PARVB: variants seen among roughly 807,000 people sequenced by gnomAD.
PARVB encodes the protein beta-parvin.
A neutral mutation model predicts 47.0 loss-of-function variants in PARVB; 46 were observed. The observed-to-expected ratio is 0.98, with a 90% CI of 0.77 to 1.25. The LOEUF (loss-of-function observed/expected upper bound fraction) is 1.25. Ranked by LOEUF, PARVB falls within the 50% of genes most tolerant of loss-of-function variation. The pLI is 0.00. For missense variants in PARVB, 473 were observed against 471.6 expected (o/e 1.00, Z -0.03); for synonymous variants, 196 against 196.3 (o/e 1.00, Z 0.01).
At chr22:44,039,918 G>A in intron 1 of PARVB, 1 of 452,286 alleles carries the variant, frequency 2.2e-6, no homozygotes, top group South Asian at 1.6e-5. Context: ...GGCCTCCAGT[G>A]ATCCTTCTGC....
intron 8 of PARVB, 176 bp from the exon 9 acceptor site, chr22:44,147,685 G>A (rs768437060): frequency 3.4e-5 from 26 of 757,820 alleles, no homozygotes; most frequent in Admixed American, 1.5e-4. Flanking sequence ...TGGTTTGGCC[G>A]GGACTGATCA....
chr22:44,143,964 A>C (rs2053610667), intron 8 of PARVB: 1 of 152,506 alleles, frequency 6.6e-6, no homozygotes, highest in African/African-American at 2.4e-5. Flanking sequence ...CTTGTTCCAA[A>C]ACCTCTGGCT....
At chr22:44,026,863 C>G (rs894366133) in intron 1 of PARVB, among the ~76,000 whole-genome samples, 8 of 151,856 alleles carry the variant, frequency 5.3e-5, no homozygotes, top group Non-Finnish European at 1.2e-4. Context: ...GCGGGCTCAT[C>G]GGTGAGGTTC....
At chr22:44,051,584 C>T (rs958280405) in intron 1 of PARVB, among the ~76,000 whole-genome samples, 1 of 152,100 alleles carries the variant, frequency 6.6e-6, no homozygotes, top group Non-Finnish European at 1.5e-5. Context: ...CTGTTGTCGG[C>T]GCTGTGTGTA....
chr22:44,052,499 C>T (rs1290789482), intron 1 of PARVB, among the ~76,000 whole-genome samples: 1 of 152,318 alleles, frequency 6.6e-6, no homozygotes, highest in South Asian at 2.1e-4. Flanking sequence ...TGAGCAACTG[C>T]GATCTCTTTC....
intron 3 of PARVB, chr22:44,106,138 G>GGTTT (rs1287678015): frequency 1.3e-4 from 9 of 69,318 alleles, no homozygotes; most frequent in African/African-American, 5.4e-4. Context: ...AGCCAGATGT[G>GGTTT]TTTTTTTTTT....
At chr22:44,019,824 G>T (rs1393804670), upstream of PARVB, among the ~76,000 whole-genome samples, 1 of 152,236 alleles carries the variant, frequency 6.6e-6, no homozygotes, top group Non-Finnish European at 1.5e-5. Flanking sequence ...CCCAACACGG[G>T]ATTGAATTTC....
Position 44,125,824 on chromosome 22 carries a change from A to C in PARVB, c.377-5663A>C, listed in dbSNP as rs2147144368. Reference sequence around the variant, plus strand: ...TGGGTGCAGGATGGATGGGGAGGAGAGTCAGGAGTTGGAACTGAGAGATCA... The same window carrying C: ...TGGGTGCAGGATGGATGGGGAGGAGCGTCAGGAGTTGGAACTGAGAGATCA... On this transcript the variant is annotated intron_variant, in intron 4 of 12. Coordinates refer to ENST00000338758, the MANE Select transcript of PARVB (RefSeq NM_013327.5). The surrounding 1 kb of genome is among the most constrained non-coding windows in gnomAD (Gnocchi z 4.1). Among the ~76,000 whole-genome samples, 1 of 152,072 alleles carries C rather than the reference A, an allele frequency of 6.6e-6. No homozygotes were observed. Among genetic ancestry groups the C allele is most frequent in the South Asian group, 2.1e-4 (1 of 4,814 alleles).
chr22:44,105,214 C>T (rs1410321797), intron 3 of PARVB: 1 of 152,344 alleles, frequency 6.6e-6, no homozygotes, highest in East Asian at 1.9e-4. Flanking sequence ...AGAGTGCAAC[C>T]CAAAGCCCCC....
At chr22:44,074,361 C>G (rs1398301361) in intron 1 of PARVB, among the ~76,000 whole-genome samples, 1 of 152,244 alleles carries the variant, frequency 6.6e-6, no homozygotes, top group Non-Finnish European at 1.5e-5. Flanking sequence ...AGTGGCGCCT[C>G]CTGGCAGCAG....
At chr22:44,161,589 G>A (rs2054054310) in intron 11 of PARVB, among the ~76,000 whole-genome samples, 1 of 152,194 alleles carries the variant, frequency 6.6e-6, no homozygotes, top group Admixed American at 6.5e-5. Context: ...TGGGATTACA[G>A]GCGTGAGCCA....
intron 1 of PARVB, among the ~76,000 whole-genome samples, chr22:44,079,151 A>G (rs2051843390): frequency 6.6e-6 from 1 of 152,216 alleles, no homozygotes. Flanking sequence ...CTTCTTTGCC[A>G]GCCTGCTGGT....
chr22:44,092,896 G>T (rs2052206489), intron 1 of PARVB, among the ~76,000 whole-genome samples: 1 of 152,210 alleles, frequency 6.6e-6, no homozygotes, highest in Non-Finnish European at 1.5e-5. Flanking sequence ...GGTGATTCTG[G>T]TGTTAAAAGA....
At chr22:44,139,856 T>G (rs1212879811) in intron 7 of PARVB, 1 of 501,564 alleles carries the variant, frequency 2.0e-6, no homozygotes, top group African/African-American at 1.9e-5. Context: ...CAAACAACAT[T>G]ACCAGGGTGG....
At position 44,092,394 on chromosome 22, in the gene PARVB, C is replaced by T. The variant is rs546527481; in HGVS notation, c.113-1534C>T. 2.0e-5 allele frequency among the ~76,000 whole-genome samples: 3 copies of T among 152,314 alleles called. No individual in the cohort carries two copies. In the South Asian group the frequency reaches 6.2e-4, roughly 32 times the overall value. ...AAAGTGCTGGGATTACAGGTGTGAG[C>T]CACCGCACCCGACCTGGGTTATTTC... On this transcript the variant is annotated intron_variant, in intron 1 of 12. Coordinates refer to ENST00000338758, the MANE Select transcript of PARVB (RefSeq NM_013327.5).
rs769276683 is a variant in PARVB, at chr22:44,119,062, G to T, written c.298G>T (p.Val100Leu). The change falls in exon 4 of 13, where the codon GTG (valine) becomes TTG (leucine). Residue 100 changes from valine (V) to leucine (L), a missense_variant. Val to Leu is a conservative substitution (Grantham distance 32). Transcript: ENST00000338758. ...VKVLLDWIND[V>L]LVEERIIVKQ... The stretch of plus-strand genomic sequence containing the variant: ...GGTCCTCCTCGACTGGATTAATGAC[G>T]TGCTGGTGGAGGAGAGGATCATTGT... 6 of 1,614,030 alleles carry T rather than the reference G, an allele frequency of 3.7e-6. No homozygotes were observed. In the East Asian group the frequency reaches 1.1e-4, roughly 30 times the overall value.
chr22:44,088,545 C>T (rs778856311), intron 1 of PARVB, among the ~76,000 whole-genome samples: 7 of 152,182 alleles, frequency 4.6e-5, no homozygotes, highest in Non-Finnish European at 8.8e-5. Flanking sequence ...AACCTTAGCT[C>T]ACTGCAACCT....
Position 44,040,903 on chromosome 22 carries a change from T to TGA in PARVB, c.112+16454_112+16455dup, listed in dbSNP as rs1332436533. On this transcript the variant is annotated intron_variant, in intron 1 of 12. Coordinates refer to ENST00000338758, the MANE Select transcript of PARVB (RefSeq NM_013327.5). The stretch of plus-strand genomic sequence containing the variant: ...CTGTAGTCCCAGCTACTCGAGAGGC[T>TGA]GAGGCAGGAGAATGGTGTGAACCCG... Among the ~76,000 whole-genome samples, 9 of 151,886 alleles carry TGA rather than the reference T, an allele frequency of 5.9e-5. No individual in the cohort carries two copies. The East Asian group carries it at 1.8e-3, about 30-fold the overall frequency.
intron 2 of PARVB, among the ~76,000 whole-genome samples, chr22:44,002,181 T>C (rs962724050): frequency 1.1e-4 from 16 of 152,214 alleles, no homozygotes; most frequent in Non-Finnish European, 2.9e-5. Flanking sequence ...ATTATAAATA[T>C]AGTTTTAACC....
Sources: gnomAD v4.1 joint callset for allele counts (sites outside exome capture counted in the v4.1 genomes callset) on GRCh38, gnomAD v4.1.1 for gene constraint, Gnocchi (gnomAD v3.1) non-coding constraint, MANE v1.5 for transcripts, NCBI Gene and HGNC (gene_info 2026-07-23, HGNC 2026-07-21) for gene names.